BCAS3: variants seen among roughly 807,000 people sequenced by gnomAD.
The protein encoded by BCAS3 is BCAS3 microtubule associated cell migration factor, also known as BCAS4/BCAS3 fusion.
In BCAS3, 53 loss-of-function variants were observed where a neutral mutation model predicts 116.1. The observed-to-expected ratio is 0.46, with a 90% CI of 0.37 to 0.57. BCAS3 has a LOEUF of 0.57. Ranked by LOEUF, BCAS3 falls within the 20% of genes least tolerant of loss-of-function variation. BCAS3 has a pLI of 0.00. For synonymous variants in BCAS3, 391 were observed against 408.2 expected (o/e 0.96, Z 0.51); for missense variants, 917 against 1,165.4 (o/e 0.79, Z 3.10).
Position 60,807,993 on chromosome 17 carries a change from C to G in BCAS3, c.404-11C>G, listed in dbSNP as rs2048440961. On this transcript the variant is annotated splice_polypyrimidine_tract_variant and intron_variant, in intron 6 of 23. Coordinates refer to ENST00000407086, the MANE Select transcript of BCAS3 (RefSeq NM_017679.5). ...CTCAAAGCTTACAATTTATTTTATC[C>G]TTCCTGTCAGGTGCTCAAAAATGTG... 5 of 1,577,004 alleles carry G rather than the reference C, an allele frequency of 3.2e-6. No individual in the cohort carries two copies. The East Asian group carries it at 1.1e-4, about 36-fold the overall frequency.
Position 61,336,530 on chromosome 17 carries a change from G to A in BCAS3, c.2426-31797G>A, listed in dbSNP as rs117646415. Among the ~76,000 whole-genome samples the A allele has an allele frequency of 6.6e-5, 10 of 152,254 alleles. No individual in the cohort carries two copies. In the East Asian group the frequency reaches 9.7e-4, roughly 15 times the overall value. On this transcript the variant is annotated intron_variant, in intron 22 of 23. Coordinates refer to ENST00000407086, the MANE Select transcript of BCAS3 (RefSeq NM_017679.5). ...CTATGCCCACCTCTAGCCCAGCTAC[G>A]CTGGCAGCAGCCTTGCCAGTTTTCA...
In BCAS3 at chr17:61,077,137, T is replaced by TAA. The variant is rs34966522; in HGVS notation, c.2131-1182_2131-1181dup. On this transcript the variant is annotated intron_variant, in intron 20 of 23. Transcript: ENST00000407086. This position sits in a 1 kb window ranked among gnomAD's most constrained non-coding sequence, Gnocchi z 4.3. ...GTCTCTCATTCGAGTTGATTATTTG[T>TAA]AAAAAAAAAAAAAAATCATGTAATA... Among the ~76,000 whole-genome samples the TAA allele has an allele frequency of 2.2e-3, 314 of 144,592 alleles. 1 individual carries two copies. Among genetic ancestry groups the TAA allele is most frequent in the Admixed American group, 4.3e-3 (62 of 14,362 alleles). 94.9% of individuals were successfully genotyped at this position (144,592 alleles called of 152,430 possible). A position where few individuals can be genotyped will look rare whatever the true frequency, so the allele number is the denominator to read the frequency against.
chr17:61,062,188 T>A (rs2070126232), intron 19 of BCAS3, among the ~76,000 whole-genome samples: 3 of 152,302 alleles, frequency 2.0e-5, no homozygotes, highest in South Asian at 4.1e-4. Context: ...ATATCATGTT[T>A]ATTTTATAAA....
At chr17:60,749,414 C>A (rs1368496432) in intron 6 of BCAS3, among the ~76,000 whole-genome samples, 6 of 152,130 alleles carry the variant, frequency 3.9e-5, no homozygotes, top group Non-Finnish European at 8.8e-5. Context: ...TGAGACTTTG[C>A]AGCTTTGTGT....
Position 60,990,089 on chromosome 17 carries a change from T to C in BCAS3, c.1340T>C (p.Met447Thr), listed in dbSNP as rs368741768. ...YGGQPCVRTH[M>T]SPRVVNRMSR... is the part of the protein sequence containing the mutation. ...GGCCAGCCTTGTGTTCGTACACATATGTCACCACGAGTAGTGAATCGCATG... is the reference window on the plus strand; with the variant it reads ...GGCCAGCCTTGTGTTCGTACACATACGTCACCACGAGTAGTGAATCGCATG... Residue 447 changes from methionine to threonine, a missense_variant, in exon 15 of 24, where the codon ATG becomes ACG. Coordinates refer to ENST00000407086, the MANE Select transcript of BCAS3 (RefSeq NM_017679.5). The surrounding 1 kb of genome is among the most constrained non-coding windows in gnomAD (Gnocchi z 5.1). 1.1e-4 allele frequency: 177 copies of C among 1,614,096 alleles called. No individual in the cohort carries two copies. Among genetic ancestry groups the C allele is most frequent in the South Asian group, 4.7e-4 (43 of 91,086 alleles).
Position 61,126,336 on chromosome 17 carries a change from TG to T in BCAS3, c.2425+41773del, listed in dbSNP as rs1293574686. 9.9e-5 allele frequency among the ~76,000 whole-genome samples: 15 copies of T among 152,272 alleles called. No homozygotes were observed. Among genetic ancestry groups the T allele is most frequent in the African/African-American group, 3.6e-4 (15 of 41,580 alleles). On this transcript the variant is annotated intron_variant, in intron 22 of 23. Transcript: ENST00000407086. This position sits in a 1 kb window ranked among gnomAD's most constrained non-coding sequence, Gnocchi z 4.6. Reference sequence around the variant, plus strand: ...AGGCAATCCTTTACTGAATTGTCAGTGATACTTATTTTCAGAGACATTAGAA... The same window carrying T: ...AGGCAATCCTTTACTGAATTGTCAGTATACTTATTTTCAGAGACATTAGAA...
intron 16 of BCAS3, among the ~76,000 whole-genome samples, chr17:61,024,132 T>C (rs999682309): frequency 2.6e-5 from 4 of 152,178 alleles, no homozygotes; most frequent in Non-Finnish European, 5.9e-5. Flanking sequence ...GGATTTGTAC[T>C]TTGTGACTTT....
rs571059344 is a variant in BCAS3 at position 61,023,995 on chromosome 17, A to T, written c.1637+8094A>T. Among the ~76,000 whole-genome samples the T allele has an allele frequency of 6.6e-6, 1 of 152,188 alleles. No individual in the cohort carries two copies. Among genetic ancestry groups the T allele is most frequent in the Non-Finnish European group, 1.5e-5 (1 of 68,014 alleles). ...CCTCTGTTAATACAGAGAATATTTC[A>T]TTCAGTATACACTCCCACTCACATC... On this transcript the variant is annotated intron_variant, in intron 16 of 23. Coordinates refer to ENST00000407086, the MANE Select transcript of BCAS3 (RefSeq NM_017679.5). The surrounding 1 kb of genome is among the most constrained non-coding windows in gnomAD (Gnocchi z 4.8).
chr17:60,756,677 A>G (rs369168192), intron 6 of BCAS3, among the ~76,000 whole-genome samples: 26 of 152,112 alleles, frequency 1.7e-4, no homozygotes, highest in African/African-American at 3.4e-4. Context: ...TCATCCATCA[A>G]TGGGCACTTA....
intron 7 of BCAS3, among the ~76,000 whole-genome samples, chr17:60,813,380 A>G (rs562438372): frequency 6.6e-6 from 1 of 151,648 alleles, no homozygotes; most frequent in African/African-American, 2.4e-5. Flanking sequence ...CTACAGGTGT[A>G]TGCCACCTTG....
chr17:60,922,730 A>G (rs1238365900), intron 12 of BCAS3, among the ~76,000 whole-genome samples: 1 of 152,206 alleles, frequency 6.6e-6, no homozygotes, highest in Non-Finnish European at 1.5e-5. Context: ...ATAACTTTAA[A>G]AGGATTAAAG....
Position 61,028,441 on chromosome 17 carries a change from A to G in BCAS3, c.1638-6225A>G, listed in dbSNP as rs2066412058. 6.6e-6 allele frequency among the ~76,000 whole-genome samples: 1 copy of G among 151,920 alleles called. No individual in the cohort carries two copies. The highest frequency in any genetic ancestry group is 6.6e-5 in the Admixed American group (1 of 15,238). ...CTTACTTATGAGCCTTCCAGTGATCAGTGAATTTTAAATGCCACATTCAAC... is the reference window on the plus strand; with the variant it reads ...CTTACTTATGAGCCTTCCAGTGATCGGTGAATTTTAAATGCCACATTCAAC... On this transcript the variant is annotated intron_variant, in intron 16 of 23. Transcript: ENST00000407086. This position sits in a 1 kb window ranked among gnomAD's most constrained non-coding sequence, Gnocchi z 4.3.
chr17:61,361,091 C>T lies in BCAS3; in HGVS notation c.2426-7236C>T, dbSNP rs558983529. Among the ~76,000 whole-genome samples, 1 of 151,796 alleles carries T rather than the reference C, an allele frequency of 6.6e-6. No homozygotes were observed. Among genetic ancestry groups the T allele is most frequent in the African/African-American group, 2.4e-5 (1 of 41,250 alleles). On this transcript the variant is annotated intron_variant, in intron 22 of 23. Transcript: ENST00000407086. The surrounding 1 kb of genome is among the most constrained non-coding windows in gnomAD (Gnocchi z 6.5). ...GTTAACGACATTGAAACTATTAGTG[C>T]CAATGTGAACCCCTTAAATGGGCAT...
rs1350266178 is a variant in BCAS3, at chr17:61,243,677, T to C, written c.2426-124650T>C. Among the ~76,000 whole-genome samples the C allele has an allele frequency of 6.6e-6, 1 of 152,222 alleles. No individual in the cohort carries two copies. Among genetic ancestry groups the C allele is most frequent in the Non-Finnish European group, 1.5e-5 (1 of 68,042 alleles). ...TTTTCAGGACTTTCATTCACTTCCT[T>C]CATGTAGCACAGTTCCCTGCCAGAA... is the stretch of plus-strand genomic sequence containing the variant. On this transcript the variant is annotated intron_variant, in intron 22 of 23. Transcript: ENST00000407086. This position sits in a 1 kb window ranked among gnomAD's most constrained non-coding sequence, Gnocchi z 5.6.
intron 19 of BCAS3, among the ~76,000 whole-genome samples, chr17:61,071,045 T>C (rs943478029): frequency 1.3e-5 from 2 of 152,236 alleles, no homozygotes; most frequent in South Asian, 2.1e-4. Flanking sequence ...TGGCTTGATA[T>C]GTCCCCCAAC....
rs1050822721 is a variant in BCAS3 at position 60,947,825 on chromosome 17, C to T, written c.1221+473C>T. ...AGTGGAGGCTAGTGAGAACCAGTTG[C>T]GCACATCCCTCCTTGGCACGGTATT... On this transcript the variant is annotated intron_variant, in intron 14 of 23. Coordinates refer to ENST00000407086, the MANE Select transcript of BCAS3 (RefSeq NM_017679.5). Among the ~76,000 whole-genome samples the T allele has an allele frequency of 9.2e-5, 14 of 152,128 alleles. No homozygotes were observed. The East Asian group carries it at 1.5e-3, about 17-fold the overall frequency.
chr17:61,363,225 T>C lies in BCAS3; in HGVS notation c.2426-5102T>C, dbSNP rs571807619. On this transcript the variant is annotated intron_variant, in intron 22 of 23. Transcript: ENST00000407086. The surrounding 1 kb of genome is among the most constrained non-coding windows in gnomAD (Gnocchi z 4.9). ...CCCCAAAATTGCCCGCATAATTTTA[T>C]GTATGCAAGCACACATTTTTTGAGT... Among the ~76,000 whole-genome samples, 1 of 152,374 alleles carries C rather than the reference T, an allele frequency of 6.6e-6. No individual in the cohort carries two copies. The highest frequency in any genetic ancestry group is 2.1e-4 in the South Asian group (1 of 4,830).
chr17:61,010,500 T>A (rs946822443), intron 15 of BCAS3, among the ~76,000 whole-genome samples: 6 of 151,718 alleles, frequency 4.0e-5, no homozygotes, highest in African/African-American at 7.3e-5. Flanking sequence ...TTTTTTTTTT[T>A]AAATTGCAAA....
chr17:61,087,348 C>G lies in BCAS3; in HGVS notation c.2425+2784C>G. On this transcript the variant is annotated intron_variant, in intron 22 of 23. Coordinates refer to ENST00000407086, the MANE Select transcript of BCAS3 (RefSeq NM_017679.5). The surrounding 1 kb of genome is among the most constrained non-coding windows in gnomAD (Gnocchi z 4.6). ...AATTATTCCTATGGCACATGTTACACCTAACCCTCTATTTTAGTGACAGCT... is the reference window on the plus strand; with the variant it reads ...AATTATTCCTATGGCACATGTTACAGCTAACCCTCTATTTTAGTGACAGCT... 1 of 361,312 alleles carries G rather than the reference C, an allele frequency of 2.8e-6. No individual in the cohort carries two copies. The highest frequency in any genetic ancestry group is 1.1e-4 in the South Asian group (1 of 9,032). 22.4% of individuals were successfully genotyped at this position (361,312 alleles called of 1,614,324 possible). A position where few individuals can be genotyped will look rare whatever the true frequency, so the allele number is the denominator to read the frequency against.
Sources: gnomAD v4.1 joint callset for allele counts (sites outside exome capture counted in the v4.1 genomes callset) on GRCh38, gnomAD v4.1.1 for gene constraint, Gnocchi (gnomAD v3.1) non-coding constraint, MANE v1.5 for transcripts, NCBI Gene and HGNC (gene_info 2026-07-23, HGNC 2026-07-21) for gene names.